Variants in CCDC154 observed in about 807,000 individuals in gnomAD.
CCDC154 encodes coiled-coil domain-containing protein 154.
CCDC154 carries 91 observed loss-of-function variants against 87.5 expected under a neutral mutation model. That is an observed-to-expected ratio of 1.04 (90% confidence interval 0.88 to 1.24). The LOEUF is 1.24. Ranked by LOEUF, CCDC154 falls within the 50% of genes most tolerant of loss-of-function variation. CCDC154 has a pLI of 0.00. For synonymous variants in CCDC154, 418 were observed against 400.4 expected, an observed-to-expected ratio of 1.04 and a Z score of -0.52; for missense variants, 903 against 879.2, an observed-to-expected ratio of 1.03 and a Z score of -0.34.
chr16:1,434,954 T>A lies in CCDC154; in HGVS notation c.1693-102A>T. 2.1e-6 allele frequency: 3 copies of A among 1,422,718 alleles called. 1 individual carries two copies. Among genetic ancestry groups the A allele is most frequent in the Non-Finnish European group, 2.8e-6 (3 of 1,072,304 alleles). The allele number at this position is 1,422,718 out of a possible 1,614,324, so 88.1% of individuals were successfully genotyped here. On this transcript the variant is annotated intron_variant, in intron 15 of 16. Coordinates refer to ENST00000389176, the MANE Select transcript of CCDC154 (RefSeq NM_001143980.3). The stretch of plus-strand genomic sequence containing the variant: ...ACCGGGAGCCTGGAAGCCATTTATC[T>A]TCAGGGAAACCCTGCCCATGGCCAG...
intron 9 of CCDC154, 189 bp downstream of exon 9, chr16:1,438,430 T>C: frequency 1.4e-6 from 1 of 724,938 alleles, no homozygotes; most frequent in Admixed American, 2.9e-5. Flanking sequence ...GAGGGCAGGC[T>C]GGGTGAGGGA....
chr16:1,436,557 G>A (rs1484118720), intron 12 of CCDC154, 36 bp from the exon 13 acceptor site: 8 of 1,547,144 alleles, frequency 5.2e-6, no homozygotes, highest in African/African-American at 2.7e-5. Context: ...GCAGCCCCAG[G>A]GCGCCATCTA....
chr16:1,435,281 G>A, intron 14 of CCDC154, 106 bp from the exon 15 acceptor site: 8 of 967,570 alleles, frequency 8.3e-6, no homozygotes, highest in South Asian at 1.5e-5. Flanking sequence ...GCTTGGGCAG[G>A]GGCCACCTGC....
chr16:1,438,784 C>T (rs1439342131), intron 8 of CCDC154, 31 bp downstream of exon 8: 1 of 1,540,836 alleles, frequency 6.5e-7, no homozygotes, highest in African/African-American at 1.4e-5. Context: ...CCGGCCCCGG[C>T]CCCACCTGCC....
Position 1,437,068 on chromosome 16 carries a change from G to A in CCDC154, c.1291-257C>T, listed in dbSNP as rs910781586. On this transcript the variant is annotated intron_variant, in intron 11 of 16. Transcript: ENST00000389176. The stretch of plus-strand genomic sequence containing the variant: ...CACACAGGTGCCCGAGGGAGGCAGG[G>A]CAGGCCCCGGTGGGACCCAGCCCCG... 5.7e-6 allele frequency: 3 copies of A among 525,438 alleles called. No homozygotes were observed. In the African/African-American group the frequency reaches 5.7e-5, roughly 10 times the overall value. 32.5% of individuals were successfully genotyped at this position (525,438 alleles called of 1,614,324 possible).
chr16:1,440,495 AAAGAGAAGAG>A (rs148718592), intron 6 of CCDC154, among the ~76,000 whole-genome samples: 8 of 149,694 alleles, frequency 5.3e-5, no homozygotes, highest in African/African-American at 1.5e-4. Flanking sequence ...AGAGAACAGA[AAAGAGAAGAG>A]AAGAGAAGAG....
intron 6 of CCDC154, among the ~76,000 whole-genome samples, chr16:1,441,741 G>C (rs926217237): frequency 6.6e-6 from 1 of 152,084 alleles, no homozygotes; most frequent in Admixed American, 6.6e-5. Flanking sequence ...GACGAAGAGC[G>C]CCCAGATCTG....
Position 1,436,048 on chromosome 16 carries a change from G to T in CCDC154, c.1526C>A (p.Thr509Lys). The T allele has an allele frequency of 6.5e-7, 1 of 1,550,286 alleles. No homozygotes were observed. Among genetic ancestry groups the T allele is most frequent in the Non-Finnish European group, 8.7e-7 (1 of 1,146,888 alleles). ...TAGCAGCTGCACGGATGATAGTAGCGTGGCCAGCTCCTGCCGCAGGGCCCC... is the reference window on the plus strand; with the variant it reads ...TAGCAGCTGCACGGATGATAGTAGCTTGGCCAGCTCCTGCCGCAGGGCCCC... ...KVGALRQELATLLSSVQLLKE... is the reference protein window; with the variant it reads ...KVGALRQELAKLLSSVQLLKE... Residue 509 changes from threonine to lysine, a missense_variant, in exon 14 of 17, where the codon ACG (threonine) becomes AAG (lysine). Physicochemically the swap from Thr to Lys is moderately conservative, Grantham distance 78 (BLOSUM62 -1). Coordinates refer to ENST00000389176, the MANE Select transcript of CCDC154 (RefSeq NM_001143980.3).
At chr16:1,435,657 C>G (rs1464506589) in intron 14 of CCDC154, among the ~76,000 whole-genome samples, 2 of 152,210 alleles carry the variant, frequency 1.3e-5, no homozygotes, top group Admixed American at 6.5e-5. Context: ...TCCCGAGTAA[C>G]TGGGACTACA....
chr16:1,440,507 AGAG>A (rs1404382005), intron 6 of CCDC154, among the ~76,000 whole-genome samples: 1 of 151,796 alleles, frequency 6.6e-6, no homozygotes, highest in Non-Finnish European at 1.5e-5. Flanking sequence ...AGAGAAGAGA[AGAG>A]AAGAGAAGAG....
intron 9 of CCDC154, 56 bp from the exon 10 acceptor site, chr16:1,438,232 TG>T: frequency 6.9e-7 from 1 of 1,451,658 alleles, no homozygotes. Flanking sequence ...CTCTCAGCCC[TG>T]GGCCAGGGAG....
Position 1,437,593 on chromosome 16 carries a change from C to T in CCDC154, c.1290+224G>A, listed in dbSNP as rs1464225366. On this transcript the variant is annotated intron_variant, in intron 11 of 16. Coordinates refer to ENST00000389176, the MANE Select transcript of CCDC154 (RefSeq NM_001143980.3). ...TGGGCCGAGGCTCCAGCTCGGGCCTCACGGGCTGCAGATGCTGGGCCGAGG... is the reference window on the plus strand; with the variant it reads ...TGGGCCGAGGCTCCAGCTCGGGCCTTACGGGCTGCAGATGCTGGGCCGAGG... The T allele has an allele frequency of 1.7e-5, 9 of 535,912 alleles. No homozygotes were observed. The East Asian group carries it at 2.6e-4, about 16-fold the overall frequency. The allele number at this position is 535,912 out of a possible 1,614,324, so 33.2% of individuals were successfully genotyped here. A position where few individuals can be genotyped will look rare whatever the true frequency, so the allele number is the denominator to read the frequency against.
At chr16:1,437,975 C>T (rs545489283) in intron 10 of CCDC154, 21 bp from the exon 11 acceptor site, 118 of 1,539,290 alleles carry the variant, frequency 7.7e-5, no homozygotes, top group South Asian at 1.3e-4. Context: ...CAGGTGGGCA[C>T]GGGGAGGCCT....
chr16:1,437,763 G>A (rs912460165), intron 11 of CCDC154, 54 bp downstream of exon 11: 2 of 1,485,564 alleles, frequency 1.3e-6, no homozygotes, highest in African/African-American at 1.4e-5. Context: ...CTGAGAGCTG[G>A]AGGGGTGGGG....
At chr16:1,436,146 G>A (rs77434805) in intron 13 of CCDC154, 60 bp from the exon 14 acceptor site, 39,293 of 1,380,454 alleles carry the variant, frequency 0.028, 1,346 homozygotes, top group African/African-American at 0.13. Context: ...GGCCAGGACC[G>A]GGGACAAAGG....
At chr16:1,443,752 C>A in intron 2 of CCDC154, 44 bp downstream of exon 2, 2 of 1,303,792 alleles carry the variant, frequency 1.5e-6, no homozygotes, top group East Asian at 5.4e-5. Flanking sequence ...GCGGAGGCGG[C>A]GGCGACGTGG....
rs1374421519 is a variant in CCDC154 at position 1,443,297 on chromosome 16, G to A, written c.419C>T (p.Ser140Phe). ...GGCCTGCATCTGGTTCTGGAGACCA[G>A]AGAACTGCGAGGAGGAAGAGGAGGC... ...QAPEKEAPEF[S>F]GLQNQMQALD... The change falls in exon 4 of 17, where the codon TCT becomes TTT. Residue 140 changes from serine to phenylalanine, a missense_variant. By Grantham distance (155) the Ser-to-Phe change is radical. Transcript: ENST00000389176. 3 of 1,549,002 alleles carry A rather than the reference G, an allele frequency of 1.9e-6. No homozygotes were observed. Among genetic ancestry groups the A allele is most frequent in the East Asian group, 4.9e-5 (2 of 40,896 alleles).
At chr16:1,439,344 G>A (rs1158758262) in intron 6 of CCDC154, 1 of 585,476 alleles carries the variant, frequency 1.7e-6, no homozygotes, top group South Asian at 2.1e-5. Flanking sequence ...TGTGAAGCAT[G>A]AGAAGGCCAC....
intron 11 of CCDC154, 56 bp downstream of exon 11, chr16:1,437,761 T>C (rs2142352157): frequency 6.7e-7 from 1 of 1,483,770 alleles, no homozygotes; most frequent in Non-Finnish European, 9.0e-7. Context: ...GGCTGAGAGC[T>C]GGAGGGGTGG....
Sources: allele counts gnomAD v4.1 joint callset (sites outside exome capture counted in the v4.1 genomes callset), GRCh38; gene constraint gnomAD v4.1.1; transcripts MANE v1.5; gene names NCBI Gene and HGNC (gene_info 2026-07-23, HGNC 2026-07-21).